The following PTPRD variants were observed in gnomAD, a reference collection of about 807,000 sequenced individuals.
PTPRD encodes the protein receptor-type tyrosine-protein phosphatase delta.
A neutral mutation model predicts 214.5 loss-of-function variants in PTPRD; 34 were observed. The observed-to-expected ratio is 0.16, with a 90% CI of 0.12 to 0.21. The LOEUF (loss-of-function observed/expected upper bound fraction) is 0.21. Among genes scored for constraint, PTPRD ranks in the 10% least tolerant of loss-of-function variants. PTPRD has a pLI of 1.00. For synonymous variants in PTPRD, 1,128 were observed against 845.7 expected (o/e 1.33, Z -5.79); for missense variants, 2,545 against 2,398.7 (o/e 1.06, Z -1.27).
At chr9:10,380,115 C>T (rs1182138629) in intron 2 of PTPRD, among the ~76,000 whole-genome samples, 1 of 152,008 alleles carries the variant, frequency 6.6e-6, no homozygotes, top group Non-Finnish European at 1.5e-5. Flanking sequence ...AGGAGCCACT[C>T]AACAATTTCT....
At chr9:8,362,591 A>C (rs2078783223) in intron 39 of PTPRD, among the ~76,000 whole-genome samples, 1 of 152,250 alleles carries the variant, frequency 6.6e-6, no homozygotes, top group South Asian at 2.1e-4. Flanking sequence ...TAGGATGTGA[A>C]GAATGACTGA....
At chr9:8,650,860 C>G (rs1191641816) in intron 12 of PTPRD, among the ~76,000 whole-genome samples, 1 of 151,426 alleles carries the variant, frequency 6.6e-6, no homozygotes, top group East Asian at 1.9e-4. Flanking sequence ...AGATATTTTT[C>G]ACTAAATTTA....
At chr9:10,534,039 T>C (rs1034016077) in intron 2 of PTPRD, among the ~76,000 whole-genome samples, 8 of 151,688 alleles carry the variant, frequency 5.3e-5, no homozygotes, top group Non-Finnish European at 8.8e-5. Context: ...GTGAAATGTA[T>C]TTTTATTTGA....
chr9:9,488,582 A>C (rs1173506250), intron 8 of PTPRD, among the ~76,000 whole-genome samples: 1 of 152,300 alleles, frequency 6.6e-6, no homozygotes. Context: ...TAAGGCTATT[A>C]TTTTTAAAGT....
At chr9:9,632,957 C>A (rs1475431785) in intron 7 of PTPRD, among the ~76,000 whole-genome samples, 1 of 151,956 alleles carries the variant, frequency 6.6e-6, no homozygotes, top group Non-Finnish European at 1.5e-5. Flanking sequence ...CCTTGGGAAA[C>A]ATTATAGCCA....
At chr9:9,362,057 G>T (rs184395745) in intron 9 of PTPRD, among the ~76,000 whole-genome samples, 18 of 151,052 alleles carry the variant, frequency 1.2e-4, no homozygotes, top group Non-Finnish European at 2.5e-4. Flanking sequence ...TTCAAATGTT[G>T]ACTTAAAAAA....
chr9:9,216,709 T>G (rs958699790), intron 9 of PTPRD, among the ~76,000 whole-genome samples: 2 of 152,202 alleles, frequency 1.3e-5, no homozygotes, highest in African/African-American at 4.8e-5. Flanking sequence ...GTGCCTTATC[T>G]TTCTTTTTCT....
chr9:8,523,370 C>A, intron 19 of PTPRD, 143 bp downstream of exon 19: 1 of 945,236 alleles, frequency 1.1e-6, no homozygotes, highest in African/African-American at 1.7e-5. Context: ...GCACCAGAAG[C>A]CATGGCCAGG....
chr9:9,942,817 T>A (rs2091829376), intron 4 of PTPRD, among the ~76,000 whole-genome samples: 2 of 152,174 alleles, frequency 1.3e-5, no homozygotes, highest in Admixed American at 1.3e-4. Flanking sequence ...TTGCAATTTA[T>A]AACATTCTTT....
At chr9:9,916,219 A>T (rs1372512687) in intron 5 of PTPRD, among the ~76,000 whole-genome samples, 3 of 152,088 alleles carry the variant, frequency 2.0e-5, no homozygotes, top group African/African-American at 7.2e-5. Flanking sequence ...TCTTACAAGA[A>T]ATGTTCAAGA....
chr9:8,321,514 TATATATATATATAAAA>T (rs1563891763), intron 44 of PTPRD, among the ~76,000 whole-genome samples: 2 of 127,978 alleles, frequency 1.6e-5, no homozygotes, highest in African/African-American at 6.3e-5. Context: ...TATATATATA[TATATATATATATAAAA>T]GGTATATGCA....
At chr9:8,563,563 A>T (rs750619087) in intron 14 of PTPRD, among the ~76,000 whole-genome samples, 2 of 150,778 alleles carry the variant, frequency 1.3e-5, no homozygotes, top group African/African-American at 2.5e-5. Context: ...CAGCCTCCTG[A>T]GTAGTTGGGA....
chr9:10,574,238 A>T (rs2068421661), intron 2 of PTPRD, among the ~76,000 whole-genome samples: 2 of 151,594 alleles, frequency 1.3e-5, no homozygotes, highest in Non-Finnish European at 2.9e-5. Context: ...TATTGTTTTA[A>T]GTTTTCTGGG....
chr9:9,676,596 T>C (rs2096935642), intron 7 of PTPRD, among the ~76,000 whole-genome samples: 1 of 152,154 alleles, frequency 6.6e-6, no homozygotes, highest in Non-Finnish European at 1.5e-5. Context: ...TACATGTGCA[T>C]GTGTCTTTAT....
At chr9:10,339,073 T>C (rs923971099) in intron 3 of PTPRD, among the ~76,000 whole-genome samples, 8 of 151,532 alleles carry the variant, frequency 5.3e-5, no homozygotes, top group Non-Finnish European at 8.9e-5. Flanking sequence ...AGTATCCAGG[T>C]GGTATTGTTT....
chr9:9,353,886 C>T (rs1320607366), intron 9 of PTPRD, among the ~76,000 whole-genome samples: 1 of 151,732 alleles, frequency 6.6e-6, no homozygotes, highest in East Asian at 1.9e-4. Context: ...AAGGTGTTGG[C>T]TGGGCTGTGA....
intron 3 of PTPRD, among the ~76,000 whole-genome samples, chr9:10,250,088 C>A (rs369280522): frequency 6.6e-6 from 1 of 152,050 alleles, no homozygotes; most frequent in African/African-American, 2.4e-5. Flanking sequence ...TTTTCATATT[C>A]TATTTAAATC....
intron 5 of PTPRD, among the ~76,000 whole-genome samples, chr9:9,812,746 G>C (rs924459618): frequency 1.3e-5 from 2 of 152,050 alleles, no homozygotes; most frequent in Non-Finnish European, 2.9e-5. Flanking sequence ...AAATCAATAA[G>C]GAAACAGCAG....
intron 11 of PTPRD, among the ~76,000 whole-genome samples, chr9:8,786,575 C>T (rs1196285126): frequency 2.0e-5 from 3 of 151,670 alleles, no homozygotes; most frequent in African/African-American, 7.3e-5. Context: ...CCACCACGCC[C>T]GGCTAATTTT....
Sources: allele counts gnomAD v4.1 joint callset (sites outside exome capture counted in the v4.1 genomes callset), GRCh38; gene constraint gnomAD v4.1.1; transcripts MANE v1.5; gene names NCBI Gene and HGNC (gene_info 2026-07-23, HGNC 2026-07-21).